RETSAT: variants seen among roughly 807,000 people sequenced by gnomAD.
RETSAT encodes the protein all-trans-retinol 13,14-reductase.
Under a neutral mutation model 61.6 loss-of-function variants are expected in RETSAT, and 35 were observed. That is an observed-to-expected ratio of 0.57 (90% CI 0.43 to 0.75). The LOEUF is 0.75. Among genes scored for constraint, RETSAT ranks in the 30% least tolerant of loss-of-function variants. RETSAT has a pLI of 0.00. For synonymous variants in RETSAT, 277 were observed against 310.4 expected, an observed-to-expected ratio of 0.89 and a Z score of 1.13; for missense variants, 670 against 759.5, an observed-to-expected ratio of 0.88 and a Z score of 1.38.
chr2:85,344,422 T>C (rs1683152557), intron 7 of RETSAT, 74 bp from the exon 8 acceptor site: 3 of 1,552,202 alleles, frequency 1.9e-6, no homozygotes, highest in Non-Finnish European at 2.7e-6. Flanking sequence ...CAAGGACTGC[T>C]TATCCCTAGG....
chr2:85,344,841 C>T (rs531138914), intron 6 of RETSAT, 109 bp from the exon 7 acceptor site: 160 of 1,285,476 alleles, frequency 1.2e-4, no homozygotes, highest in East Asian at 1.7e-4. Context: ...TGAGGCATGC[C>T]GGGCCCCTGG....
chr2:85,345,732 C>T, intron 6 of RETSAT: 1 of 635,166 alleles, frequency 1.6e-6, no homozygotes, highest in Non-Finnish European at 2.9e-6. Flanking sequence ...CTACTCTGCT[C>T]AGCCCTGCCC....
rs1393092208 is a variant in RETSAT, at chr2:85,342,393, C to G, written c.*849G>C. On this transcript the variant is annotated 3_prime_UTR_variant, in exon 11 of 11. Coordinates refer to ENST00000295802, the MANE Select transcript of RETSAT (RefSeq NM_017750.4). ...TGGAATGCCCTGCAGCCTGCTTCAG[C>G]CCAGCAAAGTATTCATCTTACCAGT... The G allele has an allele frequency of 6.4e-6, 1 of 156,514 alleles. No individual in the cohort carries two copies. The highest frequency in any genetic ancestry group is 1.4e-5 in the Non-Finnish European group (1 of 70,994). The allele number at this position is 156,514 out of a possible 1,614,324, so 9.7% of individuals were successfully genotyped here. A position where few individuals can be genotyped will look rare whatever the true frequency, so the allele number is the denominator to read the frequency against.
chr2:85,348,914 C>G (rs1253215830), intron 5 of RETSAT, among the ~76,000 whole-genome samples: 1 of 151,720 alleles, frequency 6.6e-6, no homozygotes, highest in Non-Finnish European at 1.5e-5. Context: ...CCATGCCCAG[C>G]TAATTTTTGT....
intron 2 of RETSAT, 36 bp from the exon 3 acceptor site, chr2:85,351,057 T>C (rs142355292): frequency 2.5e-6 from 4 of 1,611,312 alleles, no homozygotes; most frequent in Non-Finnish European, 3.4e-6. Context: ...AGTAAAGGGA[T>C]ATGGGGATTG....
Position 85,351,011 on chromosome 2 carries a change from G to A in RETSAT, c.366C>T (p.Tyr122=). ...TGCTGCCCTCTTCCATACGCCCAAT[G>A]TAATGGATTCCTGTTGGGAGATGGA... ...NGLEFDTGIH[Y]IGRMEEGSIG... Residue 122 remains tyrosine, a synonymous_variant, in exon 3 of 11, where the codon TAC becomes TAT. Coordinates refer to ENST00000295802, the MANE Select transcript of RETSAT (RefSeq NM_017750.4). 1 of 1,614,138 alleles carries A rather than the reference G, an allele frequency of 6.2e-7. No homozygotes were observed. The highest frequency in any genetic ancestry group is 1.1e-5 in the South Asian group (1 of 91,084).
At chr2:85,346,610 A>T (rs938374) in intron 5 of RETSAT, among the ~76,000 whole-genome samples, 3,956 of 152,112 alleles carry the variant, frequency 0.026, 163 homozygotes, top group African/African-American at 0.09. Context: ...AAAAAAATTT[A>T]AATTAAGCTG....
rs1187271943 is a variant in RETSAT, at chr2:85,350,992, C to G, written c.385G>C (p.Gly129Arg). 1.6e-5 allele frequency: 26 copies of G among 1,614,034 alleles called. No homozygotes were observed. Among genetic ancestry groups the G allele is most frequent in the Admixed American group, 5.0e-5 (3 of 60,008 alleles). The change falls in exon 3 of 11, where the codon GGC becomes CGC. Residue 129 changes from glycine (G) to arginine (R), a missense_variant. Gly to Arg is a moderately radical substitution (Grantham distance 125, BLOSUM62 -2). Coordinates refer to ENST00000295802, the MANE Select transcript of RETSAT (RefSeq NM_017750.4). ...TCCAAGATAAAACGGCCAATGCTGC[C>G]CTCTTCCATACGCCCAATGTAATGG... is the stretch of plus-strand genomic sequence containing the variant. ...GIHYIGRMEEGSIGRFILDQI... is the reference protein window; with the variant it reads ...GIHYIGRMEERSIGRFILDQI...
At chr2:85,349,934 C>G in intron 4 of RETSAT, 106 bp downstream of exon 4, 6 of 1,121,900 alleles carry the variant, frequency 5.3e-6, no homozygotes, top group Admixed American at 4.0e-5. Context: ...GGGGTTTACA[C>G]TGCTCCATAT....
At position 85,343,443 on chromosome 2, in the gene RETSAT, C is replaced by A. The variant is rs1683122676; in HGVS notation, c.1694-62G>T. ...CAGGCAGGCCCAGGGGAGGGTGGGGCCTTGGTGCTCTTCCCTCCACATGAG... is the reference window on the plus strand; with the variant it reads ...CAGGCAGGCCCAGGGGAGGGTGGGGACTTGGTGCTCTTCCCTCCACATGAG... On this transcript the variant is annotated intron_variant, in intron 10 of 10. Coordinates refer to ENST00000295802, the MANE Select transcript of RETSAT (RefSeq NM_017750.4). 7.6e-6 allele frequency: 12 copies of A among 1,578,218 alleles called. No individual in the cohort carries two copies. In the Admixed American group the frequency reaches 8.9e-5, roughly 12 times the overall value.
At chr2:85,351,629 G>A (rs746713147) in intron 2 of RETSAT, 51 bp downstream of exon 2, 2 of 1,559,016 alleles carry the variant, frequency 1.3e-6, no homozygotes, top group African/African-American at 1.4e-5. Flanking sequence ...GCTGCTCCAA[G>A]CCTCTTCAAC....
At position 85,349,389 on chromosome 2, in the gene RETSAT, G is replaced by A. The variant is rs770494557; in HGVS notation, c.992C>T (p.Ala331Val). ...GGGCGGGGCAGGGCTCTCACCACAG[G>A]CTTTCCCAGCTGAGTCCAGCAACAC... Reference protein sequence around the residue: ...QSVLLDSAGKACGVSVKKGHE... With the variant: ...QSVLLDSAGKVCGVSVKKGHE... Residue 331 changes from alanine (A) to valine (V), a missense_variant, in exon 5 of 11, where the codon GCC becomes GTC. Coordinates refer to ENST00000295802, the MANE Select transcript of RETSAT (RefSeq NM_017750.4). The A allele has an allele frequency of 1.2e-6, 2 of 1,614,020 alleles. No homozygotes were observed. Among genetic ancestry groups the A allele is most frequent in the Admixed American group, 1.7e-5 (1 of 60,006 alleles).
intron 5 of RETSAT, among the ~76,000 whole-genome samples, chr2:85,347,209 G>A (rs1683217191): frequency 6.6e-6 from 1 of 151,968 alleles, no homozygotes; most frequent in Admixed American, 6.6e-5. Flanking sequence ...CTTAGCACAC[G>A]CCTCCAGATG....
At position 85,350,204 on chromosome 2, in the gene RETSAT, T is replaced by A. The variant is rs1683275740; in HGVS notation, c.635A>T (p.Lys212Ile). 1.9e-6 allele frequency: 3 copies of A among 1,613,638 alleles called. No individual in the cohort carries two copies. In the South Asian group the frequency reaches 3.3e-5, roughly 18 times the overall value. The change falls in exon 4 of 11, where the codon AAA (lysine) becomes ATA (isoleucine). Residue 212 changes from lysine (K) to isoleucine (I), a missense_variant. By Grantham distance (102) the Lys-to-Ile change is moderately radical. Coordinates refer to ENST00000295802, the MANE Select transcript of RETSAT (RefSeq NM_017750.4). Reference sequence around the variant, plus strand: ...CTGAACCACGGGCAATGGGAGGAATTTCAACAGGATGGCATGAGGGGCTCC... The same window carrying A: ...CTGAACCACGGGCAATGGGAGGAATATCAACAGGATGGCATGAGGGGCTCC... The part of the protein sequence containing the change: ...SSGAPHAILL[K>I]FLPLPVVQLL...
intron 7 of RETSAT, 57 bp from the exon 8 acceptor site, chr2:85,344,405 AC>A (rs1683152253): frequency 6.3e-7 from 1 of 1,579,582 alleles, no homozygotes; most frequent in African/African-American, 1.3e-5. Context: ...AAACCCCAGA[AC>A]CACTGCAAGG....
Position 85,344,310 on chromosome 2 carries a change from G to C in RETSAT, c.1295C>G (p.Ala432Gly), listed in dbSNP as rs76973216. ...GAAGAAGAGAAGAGGGATGTGTTCC[G>C]CAGCCTCTTCCCTGGGCATGGAGAC... ...RYVSMPREEAAEHIPLLFFAF... is the reference protein window; with the variant it reads ...RYVSMPREEAGEHIPLLFFAF... Residue 432 changes from alanine to glycine, a missense_variant, in exon 8 of 11, where the codon GCG (alanine) becomes GGG (glycine). By Grantham distance (60) the Ala-to-Gly change is moderately conservative. Coordinates refer to ENST00000295802, the MANE Select transcript of RETSAT (RefSeq NM_017750.4). 1.2e-6 allele frequency: 2 copies of C among 1,614,050 alleles called. No homozygotes were observed. Among genetic ancestry groups the C allele is most frequent in the Admixed American group, 3.3e-5 (2 of 60,016 alleles).
At chr2:85,353,358 C>G (rs1232199991) in intron 1 of RETSAT, among the ~76,000 whole-genome samples, 1 of 152,228 alleles carries the variant, frequency 6.6e-6, no homozygotes, top group East Asian at 1.9e-4. Context: ...CACTTGAACC[C>G]AGGAGGCGGA....
In RETSAT at chr2:85,343,237, T is replaced by C. The variant is rs1683117636; in HGVS notation, c.*5A>G. 9.3e-6 allele frequency: 15 copies of C among 1,613,668 alleles called. No homozygotes were observed. The highest frequency in any genetic ancestry group is 1.2e-5 in the Non-Finnish European group (14 of 1,179,680). ...GCAAATTCCTCTGACTCCTCCCTGATGGAACTAATTCTTTTTCTTCTGTGC... is the reference window on the plus strand; with the variant it reads ...GCAAATTCCTCTGACTCCTCCCTGACGGAACTAATTCTTTTTCTTCTGTGC... On this transcript the variant is annotated 3_prime_UTR_variant, in exon 11 of 11. Transcript: ENST00000295802.
In RETSAT at chr2:85,345,972, T is replaced by G. The variant is rs200874352; in HGVS notation, c.1117+3A>C. 6.8e-6 allele frequency: 11 copies of G among 1,614,170 alleles called. No homozygotes were observed. The South Asian group carries it at 8.8e-5, about 13-fold the overall frequency. ...AGAGGGGCAGTGCAGACCCGCCTTT[T>G]ACCTGGCAGGCAGCGGGCGTTCCCC... On this transcript the variant is annotated splice_donor_region_variant and intron_variant, in intron 6 of 10. Transcript: ENST00000295802.
Sources: allele counts gnomAD v4.1 joint callset (sites outside exome capture counted in the v4.1 genomes callset), GRCh38; gene constraint gnomAD v4.1.1; transcripts MANE v1.5; gene names NCBI Gene and HGNC (gene_info 2026-07-23, HGNC 2026-07-21).